The following RBFOX1 variants were observed in gnomAD, a reference collection of about 807,000 sequenced individuals.
The protein encoded by RBFOX1 is RNA binding protein fox-1 homolog 1.
RBFOX1 carries 8 observed loss-of-function variants against 57.7 expected under a neutral mutation model. The observed-to-expected ratio is 0.14, with a 90% confidence interval of 0.08 to 0.25. RBFOX1 has a LOEUF of 0.25. Ranked by LOEUF, RBFOX1 falls within the 10% of genes least tolerant of loss-of-function variation. The pLI, the probability that RBFOX1 is intolerant of heterozygous loss-of-function variation, is 1.00. For missense variants in RBFOX1, 611 were observed against 548.5 expected, an observed-to-expected ratio of 1.11 and a Z score of -1.14; for synonymous variants, 326 against 222.4, an observed-to-expected ratio of 1.47 and a Z score of -4.15.
intron 4 of RBFOX1, among the ~76,000 whole-genome samples, chr16:7,331,237 A>G (rs1487131288): frequency 6.6e-6 from 1 of 152,222 alleles, no homozygotes; most frequent in Non-Finnish European, 1.5e-5. Flanking sequence ...GAAAACGCCA[A>G]TAGTTGGATA....
intron 4 of RBFOX1, among the ~76,000 whole-genome samples, chr16:5,981,769 G>T (rs561863604): frequency 6.6e-6 from 1 of 152,030 alleles, no homozygotes; most frequent in South Asian, 2.1e-4. Flanking sequence ...GTGCCCGGCC[G>T]TGTGATGTTT....
At position 6,922,324 on chromosome 16, in the gene RBFOX1, C is replaced by T. The variant is rs117193948; in HGVS notation, c.-15-129733C>T. ...GCACTGGTTTTCAGTTCCGAGTGTC[C>T]GGTGGTAATGGCAAGTTTCGCATGC... On this transcript the variant is annotated intron_variant, in intron 3 of 15. Coordinates refer to ENST00000550418, the MANE Select transcript of RBFOX1 (RefSeq NM_018723.4). 0.014 allele frequency among the ~76,000 whole-genome samples: 2,080 copies of T among 152,098 alleles called. 74 individuals carry two copies. In the East Asian group the frequency reaches 0.14, roughly 10 times the overall value.
At chr16:5,589,145 G>C (rs980581142) in intron 2 of RBFOX1, among the ~76,000 whole-genome samples, 1 of 152,212 alleles carries the variant, frequency 6.6e-6, no homozygotes, top group Non-Finnish European at 1.5e-5. Flanking sequence ...TCCCCAATCT[G>C]CTGGGTCCAG....
At chr16:6,629,768 T>G (rs548981557) in intron 2 of RBFOX1, among the ~76,000 whole-genome samples, 30 of 152,342 alleles carry the variant, frequency 2.0e-4, no homozygotes, top group Non-Finnish European at 4.1e-4. Context: ...GCTTAATTAG[T>G]CCTTCTGAGA....
intron 4 of RBFOX1, among the ~76,000 whole-genome samples, chr16:7,272,857 C>G (rs1273286977): frequency 2.2e-5 from 3 of 138,136 alleles, no homozygotes; most frequent in Non-Finnish European, 4.7e-5. Context: ...TTCCCTTCTT[C>G]CCTTCCGTTC....
chr16:7,152,422 A>G (rs1384812098), intron 4 of RBFOX1, among the ~76,000 whole-genome samples: 4 of 152,216 alleles, frequency 2.6e-5, no homozygotes, highest in Non-Finnish European at 4.4e-5. Flanking sequence ...ATAGCCAAAG[A>G]AATTGCCATC....
At chr16:6,714,546 T>C (rs2064380054) in intron 3 of RBFOX1, among the ~76,000 whole-genome samples, 1 of 152,110 alleles carries the variant, frequency 6.6e-6, no homozygotes, top group South Asian at 2.1e-4. Context: ...GCAAGTCTCA[T>C]TAGTCATTGG....
intron 1 of RBFOX1, among the ~76,000 whole-genome samples, chr16:5,269,808 G>T (rs538454241): frequency 6.6e-6 from 1 of 152,160 alleles, no homozygotes; most frequent in Non-Finnish European, 1.5e-5. Flanking sequence ...TGTAAAAGAT[G>T]CAAAGAAAAA....
rs142909261 is a variant in RBFOX1, at chr16:7,056,703, C to T, written c.27+4605C>T. ...TGAGCACTCATAAAATATTTGATTA[C>T]AAAGGGATCTTTGTGCTTGAGTGGT... On this transcript the variant is annotated intron_variant, in intron 4 of 15. Transcript: ENST00000550418. 2.1e-3 allele frequency among the ~76,000 whole-genome samples: 323 copies of T among 152,278 alleles called. 4 individuals carry two copies. Among genetic ancestry groups the T allele is most frequent in the South Asian group, 0.011 (52 of 4,818 alleles).
intron 4 of RBFOX1, among the ~76,000 whole-genome samples, chr16:5,934,041 T>C (rs1422076418): frequency 5.3e-5 from 8 of 152,198 alleles, no homozygotes; most frequent in Non-Finnish European, 1.0e-4. Context: ...ACATGTGACA[T>C]TTGGGGTTTC....
intron 2 of RBFOX1, among the ~76,000 whole-genome samples, chr16:6,522,732 A>G (rs2096525451): frequency 6.6e-6 from 1 of 152,094 alleles, no homozygotes; most frequent in Non-Finnish European, 1.5e-5. Context: ...GGTAAAGGAG[A>G]CTGAATTGTG....
At chr16:5,843,868 G>A (rs2151851647) in intron 3 of RBFOX1, among the ~76,000 whole-genome samples, 1 of 152,342 alleles carries the variant, frequency 6.6e-6, no homozygotes. Context: ...AAGGAGAGAA[G>A]TATGCAGCAA....
chr16:7,045,568 A>C (rs1381064558), intron 3 of RBFOX1, among the ~76,000 whole-genome samples: 1 of 152,170 alleles, frequency 6.6e-6, no homozygotes, highest in African/African-American at 2.4e-5. Context: ...TGGTTCCTTC[A>C]GTGTCGTCAT....
intron 4 of RBFOX1, among the ~76,000 whole-genome samples, chr16:5,977,465 C>T (rs1010682242): frequency 9.9e-5 from 15 of 152,070 alleles, no homozygotes; most frequent in Non-Finnish European, 1.8e-4. Flanking sequence ...GAGATTAGTT[C>T]GAAATGGAGA....
chr16:5,241,198 T>TG (rs1294893394), intron 1 of RBFOX1, among the ~76,000 whole-genome samples: 4 of 152,158 alleles, frequency 2.6e-5, no homozygotes, highest in Non-Finnish European at 5.9e-5. Context: ...GGATGCTGTG[T>TG]GGGAGGCTTG....
chr16:7,541,302 T>A (rs1258334805), intron 5 of RBFOX1, among the ~76,000 whole-genome samples: 1 of 152,166 alleles, frequency 6.6e-6, no homozygotes, highest in Non-Finnish European at 1.5e-5. Context: ...TGTCTACCCT[T>A]TGTTGGCTGC....
chr16:6,905,752 A>C lies in RBFOX1; in HGVS notation c.-15-146305A>C, dbSNP rs372098734. Among the ~76,000 whole-genome samples, 58 of 152,324 alleles carry C rather than the reference A, an allele frequency of 3.8e-4. No homozygotes were observed. The East Asian group carries it at 5.8e-3, about 15-fold the overall frequency. On this transcript the variant is annotated intron_variant, in intron 3 of 15. Transcript: ENST00000550418. ...AATGCCTGAGGCAAGTTTGCATGCC[A>C]TGGATGGAAATGGTATTTTCAAGAG...
intron 2 of RBFOX1, among the ~76,000 whole-genome samples, chr16:5,506,256 C>G (rs1256547932): frequency 6.6e-6 from 1 of 152,232 alleles, no homozygotes; most frequent in African/African-American, 2.4e-5. Flanking sequence ...CCTGCACCAG[C>G]AACTTGCTCC....
intron 2 of RBFOX1, among the ~76,000 whole-genome samples, chr16:5,500,212 A>ATTCTG (rs2043144961): frequency 7.4e-6 from 1 of 134,478 alleles, no homozygotes. Flanking sequence ...ATTCCATTGC[A>ATTCTG]TTCCGTTCCG....
Sources: gnomAD v4.1 joint callset for allele counts (sites outside exome capture counted in the v4.1 genomes callset) on GRCh38, gnomAD v4.1.1 for gene constraint, MANE v1.5 for transcripts, NCBI Gene and HGNC (gene_info 2026-07-23, HGNC 2026-07-21) for gene names.